The following TYW1B variants were observed in gnomAD, a reference collection of about 807,000 sequenced individuals.
TYW1B encodes tRNA-yW synthesizing protein 1 homolog B.
Under a neutral mutation model 86.9 loss-of-function variants are expected in TYW1B, and 73 were observed. The ratio of observed to expected loss-of-function variants is 0.84; its 90% CI spans 0.70 to 1.02. The LOEUF (loss-of-function observed/expected upper bound fraction) is 1.02. Ranked by LOEUF, TYW1B falls within the 50% of genes least tolerant of loss-of-function variation. TYW1B has a pLI of 0.00. For synonymous variants in TYW1B, 248 were observed against 292.8 expected, an observed-to-expected ratio of 0.85 and a Z score of 1.56; for missense variants, 637 against 827.4, an observed-to-expected ratio of 0.77 and a Z score of 2.82.
chr7:72,630,140 G>A (rs188717005), intron 11 of TYW1B, among the ~76,000 whole-genome samples: 439 of 152,168 alleles, frequency 2.9e-3, no homozygotes, highest in Non-Finnish European at 4.3e-3. Context: ...TGAGCCAGGC[G>A]TGGCGGCGTG....
At position 72,640,168 on chromosome 7, in the gene TYW1B, T is replaced by C. The variant is rs139026884; in HGVS notation, c.1507-11171A>G. On this transcript the variant is annotated intron_variant, in intron 11 of 13. Transcript: ENST00000620995. The stretch of plus-strand genomic sequence containing the variant: ...TTAAAAACAAAAGAAAGCAAAAAAA[T>C]AGAGAAAAAGACAGCTGAAAAGGGG... 4.1e-3 allele frequency among the ~76,000 whole-genome samples: 625 copies of C among 150,820 alleles called. 5 individuals carry two copies. Among genetic ancestry groups the C allele is most frequent in the African/African-American group, 0.014 (594 of 41,120 alleles).
At chr7:72,781,185 C>T (rs1174257943) in intron 6 of TYW1B, among the ~76,000 whole-genome samples, 3 of 151,926 alleles carry the variant, frequency 2.0e-5, no homozygotes, top group Non-Finnish European at 4.4e-5. Flanking sequence ...ACAGATGAAC[C>T]CAGTGTGCCC....
At chr7:72,588,039 T>G (rs759614783) in intron 13 of TYW1B, among the ~76,000 whole-genome samples, 17 of 152,216 alleles carry the variant, frequency 1.1e-4, no homozygotes, top group Admixed American at 2.0e-4. Context: ...CTTCTTTGGG[T>G]AAGAAGAGGC....
intron 11 of TYW1B, among the ~76,000 whole-genome samples, chr7:72,686,186 C>T (rs1230649940): frequency 6.6e-6 from 1 of 152,180 alleles, no homozygotes. Flanking sequence ...TCTTATGAAA[C>T]TACCCAGCAA....
chr7:72,659,275 C>G (rs1269450750), intron 11 of TYW1B, among the ~76,000 whole-genome samples: 1 of 152,110 alleles, frequency 6.6e-6, no homozygotes, highest in Non-Finnish European at 1.5e-5. Flanking sequence ...TTCCAAGGTG[C>G]CAGCAAAAAA....
At chr7:72,669,932 AAAATAAATAAATAAATAAATAAAT>A (rs78712037) in intron 11 of TYW1B, among the ~76,000 whole-genome samples, 12 of 141,060 alleles carry the variant, frequency 8.5e-5, no homozygotes, top group South Asian at 7.1e-4. Flanking sequence ...CCATTTCTAC[AAAATAAATAAATAAATAAATAAAT>A]AAATAAATAA....
At chr7:72,776,599 T>C (rs1554470617) in intron 7 of TYW1B, among the ~76,000 whole-genome samples, 1 of 133,748 alleles carries the variant, frequency 7.5e-6, no homozygotes, top group East Asian at 2.2e-4. Flanking sequence ...TGTAAAACCT[T>C]GGGCAACTAT....
intron 11 of TYW1B, among the ~76,000 whole-genome samples, chr7:72,665,523 C>T (rs1813441412): frequency 6.6e-6 from 1 of 152,150 alleles, no homozygotes; most frequent in African/African-American, 2.4e-5. Flanking sequence ...CATGTTTGGT[C>T]CAATTCTGAA....
In TYW1B at chr7:72,747,522, C is replaced by T. The variant is rs147930248; in HGVS notation, c.965-2921G>A. On this transcript the variant is annotated intron_variant, in intron 7 of 13. Coordinates refer to ENST00000620995, the MANE Select transcript of TYW1B (RefSeq NM_001145440.3). ...TGAGTCTATTTCTGGGATCTCTAGT[C>T]TCTCCCTTGATTTATGTCTATCTCT... Among the ~76,000 whole-genome samples, 117 of 152,306 alleles carry T rather than the reference C, an allele frequency of 7.7e-4. 1 individual carries two copies. Among genetic ancestry groups the T allele is most frequent in the African/African-American group, 2.5e-3 (105 of 41,568 alleles).
At chr7:72,807,424 A>G (rs1295069403) in intron 4 of TYW1B, 68 bp from the exon 5 acceptor site, 10 of 1,546,016 alleles carry the variant, frequency 6.5e-6, no homozygotes, top group South Asian at 1.3e-5. Flanking sequence ...ACTGCTCTGC[A>G]AAAGCCCAAA....
At chr7:72,681,074 G>A (rs1287043125) in intron 11 of TYW1B, among the ~76,000 whole-genome samples, 1 of 152,162 alleles carries the variant, frequency 6.6e-6, no homozygotes, top group African/African-American at 2.4e-5. Flanking sequence ...TTTCACAGGT[G>A]AGAAAAGTGA....
intron 12 of TYW1B, among the ~76,000 whole-genome samples, chr7:72,617,959 C>T (rs1247403925): frequency 2.0e-5 from 3 of 152,054 alleles, no homozygotes; most frequent in Admixed American, 6.6e-5. Flanking sequence ...TTTTCTAATA[C>T]TAAAAGATTT....
At chr7:72,779,950 G>T (rs577480431) in intron 6 of TYW1B, among the ~76,000 whole-genome samples, 42 of 151,510 alleles carry the variant, frequency 2.8e-4, no homozygotes, top group African/African-American at 9.4e-4. Context: ...CAAGGCAAAT[G>T]AACATTTTTG....
At chr7:72,820,770 T>C (rs1260380517) in intron 2 of TYW1B, among the ~76,000 whole-genome samples, 3 of 152,188 alleles carry the variant, frequency 2.0e-5, no homozygotes, top group Non-Finnish European at 4.4e-5. Flanking sequence ...CCATCACCAA[T>C]GTGAGGGATC....
intron 11 of TYW1B, among the ~76,000 whole-genome samples, chr7:72,658,130 C>T (rs1216060247): frequency 1.3e-5 from 2 of 152,028 alleles, no homozygotes; most frequent in Non-Finnish European, 2.9e-5. Flanking sequence ...TGGTGGCGGG[C>T]GCCTGTAGTC....
chr7:72,659,751 G>GA (rs1171121694), intron 11 of TYW1B, among the ~76,000 whole-genome samples: 7 of 151,978 alleles, frequency 4.6e-5, no homozygotes, highest in Non-Finnish European at 1.0e-4. Flanking sequence ...CAGCAAAGAA[G>GA]AAAAAAACAA....
intron 11 of TYW1B, among the ~76,000 whole-genome samples, chr7:72,669,932 AAAATAAATAAAT>A (rs78712037): frequency 0.51 from 71,615 of 140,856 alleles, 20,406 homozygotes; most frequent in Non-Finnish European, 0.65. Context: ...CCATTTCTAC[AAAATAAATAAAT>A]AAATAAATAA....
chr7:72,644,972 C>T (rs543113349), intron 11 of TYW1B, among the ~76,000 whole-genome samples: 12 of 151,930 alleles, frequency 7.9e-5, no homozygotes, highest in Non-Finnish European at 1.3e-4. Flanking sequence ...GGACTACAGG[C>T]GTGTGCCACC....
At chr7:72,619,313 G>C (rs1554437521) in intron 12 of TYW1B, among the ~76,000 whole-genome samples, 1 of 152,118 alleles carries the variant, frequency 6.6e-6, no homozygotes, top group African/African-American at 2.4e-5. Flanking sequence ...CAGAGCTTAA[G>C]GTGAATAAAA....
Sources: allele counts gnomAD v4.1 joint callset (sites outside exome capture counted in the v4.1 genomes callset), GRCh38; gene constraint gnomAD v4.1.1; transcripts MANE v1.5; gene names NCBI Gene and HGNC (gene_info 2026-07-23, HGNC 2026-07-21).